Variants in SMC4 observed in about 807,000 individuals in gnomAD.
SMC4 encodes the protein structural maintenance of chromosomes protein 4.
SMC4 carries 87 observed loss-of-function variants against 145.6 expected under a neutral mutation model. The observed-to-expected ratio is 0.60, with a 90% CI of 0.50 to 0.71. The LOEUF (loss-of-function observed/expected upper bound fraction) is 0.71. SMC4 is among the 30% of genes least tolerant of loss of function. SMC4 has a pLI of 0.00. For synonymous variants in SMC4, 558 were observed against 500.7 expected, an observed-to-expected ratio of 1.11 and a Z score of -1.53; for missense variants, 1,447 against 1,537.1, an observed-to-expected ratio of 0.94 and a Z score of 0.98.
intron 10 of SMC4, chr3:160,416,677 C>T: frequency 4.8e-6 from 1 of 210,138 alleles, no homozygotes; most frequent in Non-Finnish European, 9.5e-6. Context: ...ATTATATATG[C>T]CACTCCTAAG....
At position 160,426,205 on chromosome 3, in the gene SMC4, G is replaced by A; in HGVS notation, c.2605+5G>A. The stretch of plus-strand genomic sequence containing the variant: ...ACGTTAGTGCTTTCAAAACAGGTAT[G>A]TTTAGAGATAGACCTTTTTTGGGGG... On this transcript the variant is annotated splice_donor_5th_base_variant and intron_variant, in intron 17 of 23. Transcript: ENST00000357388. 2 of 1,584,362 alleles carry A rather than the reference G, an allele frequency of 1.3e-6. No homozygotes were observed. The highest frequency in any genetic ancestry group is 1.2e-5 in the South Asian group (1 of 84,988).
Position 160,417,908 on chromosome 3 carries a change from C to T in SMC4, c.1623C>T (p.Ile541=). The T allele has an allele frequency of 1.9e-6, 3 of 1,613,052 alleles. No homozygotes were observed. Among genetic ancestry groups the T allele is most frequent in the Non-Finnish European group, 2.5e-6 (3 of 1,179,594 alleles). Residue 541 remains isoleucine (I), a synonymous_variant, in exon 11 of 24, where the codon ATC becomes ATT. Transcript: ENST00000357388. ...CTCTCAAAGAAAGGAAAGCTGCAAT[C>T]AGAGATATAGAAGGAAAACTCCCTC... ...SETLKERKAA[I]RDIEGKLPQT...
chr3:160,424,206 T>A (rs1005185163), intron 15 of SMC4, among the ~76,000 whole-genome samples: 3 of 152,240 alleles, frequency 2.0e-5, no homozygotes, highest in Non-Finnish European at 2.9e-5. Context: ...TAGCAAAGAC[T>A]TGATGCAAAT....
chr3:160,407,295 A>G (rs1159652902), intron 5 of SMC4, among the ~76,000 whole-genome samples: 2 of 152,180 alleles, frequency 1.3e-5, no homozygotes, highest in African/African-American at 4.8e-5. Flanking sequence ...GCTCACGCCT[A>G]TAATCCCAGC....
intron 1 of SMC4, 146 bp downstream of exon 1, chr3:160,399,895 C>A: frequency 6.6e-6 from 1 of 152,182 alleles, no homozygotes; most frequent in Non-Finnish European, 1.5e-5. Context: ...TGTCACCCCT[C>A]CCCCCTCGGC....
intron 3 of SMC4, 77 bp from the exon 4 acceptor site, chr3:160,402,597 AAC>A (rs1304387981): frequency 2.1e-6 from 3 of 1,429,562 alleles, no homozygotes; most frequent in Non-Finnish European, 2.8e-6. Flanking sequence ...AAAAAAATCT[AAC>A]AGTTTCAGTT....
rs1456792195 is a variant in SMC4 at position 160,423,616 on chromosome 3, G to A, written c.2211G>A (p.Val737=). ...ATCAAAAAGATAGAAGATGGAGAGT[G>A]GTAACTTTACAGGGACAAATCATAG... ...VAYQKDRRWR[V]VTLQGQIIEQ... is the part of the protein sequence containing the mutation. The change falls in exon 14 of 24, where the codon GTG becomes GTA. Residue 737 remains valine, a synonymous_variant. Transcript: ENST00000357388. The A allele has an allele frequency of 6.2e-7, 1 of 1,613,004 alleles. No individual in the cohort carries two copies. The highest frequency in any genetic ancestry group is 8.5e-7 in the Non-Finnish European group (1 of 1,179,412).
At chr3:160,426,046 G>C (rs753156240) in intron 16 of SMC4, 28 bp from the exon 17 acceptor site, 2 of 1,520,390 alleles carry the variant, frequency 1.3e-6, no homozygotes, top group Admixed American at 4.4e-5. Flanking sequence ...TTAAAATATT[G>C]ACCTTAAATG....
intron 2 of SMC4, among the ~76,000 whole-genome samples, chr3:160,401,649 G>T (rs1714675129): frequency 1.3e-5 from 2 of 152,154 alleles, no homozygotes; most frequent in African/African-American, 4.8e-5. Flanking sequence ...CTCTTAAGAG[G>T]TATAGGTGTA....
In SMC4 at chr3:160,401,921, C is replaced by G. The variant is rs751206182; in HGVS notation, c.146C>G (p.Ala49Gly). The G allele has an allele frequency of 1.4e-5, 22 of 1,601,894 alleles. No homozygotes were observed. The Admixed American group carries it at 3.6e-4, about 26-fold the overall frequency. ...TESPATAAET[A>G]SEELDNRSLE... The stretch of plus-strand genomic sequence containing the variant: ...TTTCCTTTCACTGACTTAGAGACTG[C>G]AAGTGAGGAACTTGATAATAGAAGT... The change falls in exon 3 of 24, where the codon GCA (alanine) becomes GGA (glycine). Residue 49 changes from alanine (A) to glycine (G), a missense_variant. Transcript: ENST00000357388.
At chr3:160,411,833 TTTATTA>T in intron 5 of SMC4, 81 bp from the exon 6 acceptor site, 1 of 1,087,654 alleles carries the variant, frequency 9.2e-7, no homozygotes, top group Admixed American at 2.2e-5. Context: ...TACTCTTGGC[TTTATTA>T]TTTAACTGCT....
chr3:160,406,707 A>C (rs1202370251), intron 5 of SMC4, among the ~76,000 whole-genome samples: 1 of 152,184 alleles, frequency 6.6e-6, no homozygotes, highest in Admixed American at 6.5e-5. Context: ...ATTTTTTAGA[A>C]GTTCCTAAGA....
rs960920466 is a variant in SMC4, at chr3:160,424,975, C to T, written c.2434C>T (p.Arg812Ter). 4 of 1,610,470 alleles carry T rather than the reference C, an allele frequency of 2.5e-6. No individual in the cohort carries two copies. Among genetic ancestry groups the T allele is most frequent in the Non-Finnish European group, 1.7e-6 (2 of 1,178,608 alleles). Reference sequence around the variant, plus strand: ...AGTAGTTAAGTTACGGCATAGTGAACGAGAAATGAGGAACACACTAGAAAA... The same window carrying T: ...AGTAGTTAAGTTACGGCATAGTGAATGAGAAATGAGGAACACACTAGAAAA... ...ERVVKLRHSE[R>*]EMRNTLEKFT... Residue 812 changes from arginine to a stop codon, truncating the protein, a stop_gained, in exon 16 of 24, where the codon CGA (arginine) becomes TGA (stop). Transcript: ENST00000357388. LOFTEE classifies it high-confidence loss of function.
Position 160,428,904 on chromosome 3 carries a change from T to C in SMC4, c.2757T>C (p.Ala919=). The C allele has an allele frequency of 1.3e-6, 2 of 1,597,474 alleles. No individual in the cohort carries two copies. The highest frequency in any genetic ancestry group is 2.2e-5 in the East Asian group (1 of 44,502). The change falls in exon 18 of 24, where the codon GCT becomes GCC. Residue 919 remains alanine (A), a synonymous_variant. Transcript: ENST00000357388. ...AGCAATTAGATGAATGTGCTTCTGC[T>C]ATTACTAAAGCCCAAGTAGCAATCA... ...INKQLDECAS[A]ITKAQVAIKT... is the part of the protein sequence containing the mutation.
Position 160,424,903 on chromosome 3 carries a change from A to G in SMC4, c.2362A>G (p.Lys788Glu). ...KMESQLQNDS[K>E]KAMQIQEQKV... ...GGAATCACAGTTGCAAAACGACTCT[A>G]AAAAAGCAATGCAAATCCAAGAACA... Residue 788 changes from lysine (K) to glutamate (E), a missense_variant, in exon 16 of 24, where the codon AAA becomes GAA. Lys to Glu is a moderately conservative substitution (Grantham distance 56). Coordinates refer to ENST00000357388, the MANE Select transcript of SMC4 (RefSeq NM_001002800.3). 6.2e-7 allele frequency: 1 copy of G among 1,614,106 alleles called. No individual in the cohort carries two copies. The highest frequency in any genetic ancestry group is 1.1e-5 in the South Asian group (1 of 91,080).
At chr3:160,432,779 G>T in intron 22 of SMC4, 1 of 524,246 alleles carries the variant, frequency 1.9e-6, no homozygotes, top group Non-Finnish European at 3.3e-6. Flanking sequence ...TATTTGATAA[G>T]GAGAAAGAAT....
intron 9 of SMC4, among the ~76,000 whole-genome samples, chr3:160,414,937 C>T (rs1716431706): frequency 6.6e-6 from 1 of 152,000 alleles, no homozygotes; most frequent in South Asian, 2.1e-4. Context: ...ATCAGGAGTT[C>T]CATTTTGGTG....
At chr3:160,420,179 A>C (rs770432850) in intron 12 of SMC4, among the ~76,000 whole-genome samples, 7 of 152,170 alleles carry the variant, frequency 4.6e-5, no homozygotes, top group Non-Finnish European at 8.8e-5. Flanking sequence ...TGAAACCTCA[A>C]ATTGGCTGAA....
chr3:160,421,825 C>T (rs1486579606), intron 13 of SMC4, among the ~76,000 whole-genome samples: 1 of 152,168 alleles, frequency 6.6e-6, no homozygotes, highest in Non-Finnish European at 1.5e-5. Flanking sequence ...TGACCACTAT[C>T]TAATTCCAAG....
Sources: allele counts gnomAD v4.1 joint callset (sites outside exome capture counted in the v4.1 genomes callset), GRCh38; gene constraint gnomAD v4.1.1; transcripts MANE v1.5; gene names NCBI Gene and HGNC (gene_info 2026-07-23, HGNC 2026-07-21).